VWA8: variants seen among roughly 807,000 people sequenced by gnomAD.
VWA8 encodes von Willebrand factor A domain containing 8, also known as von Willebrand factor A domain-containing protein 8.
VWA8 carries 221 observed loss-of-function variants against 241.5 expected under a neutral mutation model. The observed-to-expected ratio is 0.91, with a 90% CI of 0.82 to 1.02. The LOEUF is 1.02. VWA8 is among the 50% of genes least tolerant of loss of function. The probability of loss-of-function intolerance (pLI) is 0.00; values close to 1 mark genes in which losing one functional copy is unlikely to be tolerated. For synonymous variants in VWA8, 852 were observed against 827.1 expected (o/e 1.03, Z -0.52); for missense variants, 2,322 against 2,328.7 (o/e 1.00, Z 0.06).
chr13:41,897,178 G>C (rs751973569), intron 4 of VWA8, among the ~76,000 whole-genome samples: 45 of 151,336 alleles, frequency 3.0e-4, no homozygotes, highest in Non-Finnish European at 1.2e-4. Context: ...AGAATAAGAG[G>C]ACAAATATTG....
chr13:41,782,910 G>A (rs967739536), intron 19 of VWA8, among the ~76,000 whole-genome samples: 1 of 151,300 alleles, frequency 6.6e-6, no homozygotes, highest in African/African-American at 2.4e-5. Context: ...TGTCTTAGTG[G>A]AAGGTCCATA....
chr13:41,766,140 TA>T (rs1187612665), intron 20 of VWA8, among the ~76,000 whole-genome samples: 2 of 152,198 alleles, frequency 1.3e-5, no homozygotes, highest in Non-Finnish European at 2.9e-5. Context: ...ACCATGACTT[TA>T]AGAATTCTGA....
chr13:41,802,421 GC>G (rs1280710246), intron 17 of VWA8, among the ~76,000 whole-genome samples: 1 of 152,172 alleles, frequency 6.6e-6, no homozygotes, highest in Admixed American at 6.5e-5. Flanking sequence ...GGCTGTCTAG[GC>G]CACAGGAATA....
intron 10 of VWA8, 152 bp downstream of exon 10, chr13:41,868,194 A>G: frequency 1.2e-6 from 1 of 800,336 alleles, no homozygotes; most frequent in Non-Finnish European, 1.9e-6. Flanking sequence ...GTTTATAAGC[A>G]CACATGACTC....
chr13:41,868,263 A>C (rs2138053307), intron 10 of VWA8, 83 bp downstream of exon 10: 1 of 1,488,678 alleles, frequency 6.7e-7, no homozygotes, highest in African/African-American at 1.4e-5. Context: ...GAAGACTTAC[A>C]AGGAGATCAT....
At chr13:41,856,542 T>G (rs541482860) in intron 12 of VWA8, among the ~76,000 whole-genome samples, 39 of 152,134 alleles carry the variant, frequency 2.6e-4, no homozygotes, top group African/African-American at 7.5e-4. Context: ...TTCACAAGGC[T>G]AGGCATAGTG....
At chr13:41,729,987 C>T (rs117340193) in intron 22 of VWA8, among the ~76,000 whole-genome samples, 1,903 of 151,810 alleles carry the variant, frequency 0.013, 15 homozygotes, top group Non-Finnish European at 0.021. Flanking sequence ...CATCTCACAC[C>T]CAAGAGTAGG....
intron 32 of VWA8, among the ~76,000 whole-genome samples, chr13:41,690,776 A>G (rs935074151): frequency 6.6e-6 from 1 of 152,156 alleles, no homozygotes; most frequent in Non-Finnish European, 1.5e-5. Context: ...AAGAGTCTGC[A>G]CTTAGCTAGT....
Position 41,719,664 on chromosome 13 carries a change from T to G in VWA8, c.3043A>C (p.Ile1015Leu), listed in dbSNP as rs747365711. 2.5e-6 allele frequency: 4 copies of G among 1,613,162 alleles called. No homozygotes were observed. The South Asian group carries it at 4.4e-5, about 18-fold the overall frequency. Residue 1015 changes from isoleucine to leucine, a missense_variant, in exon 26 of 45, where the codon ATA becomes CTA. Transcript: ENST00000379310. ...TATTTGTGTAAAGTGTTAATCAATA[T>G]CTCCCTCATGTCATTGTTGTAGGAA... is the stretch of plus-strand genomic sequence containing the variant. ...FDSYNNDMREILINTLHKYGI... is the reference protein window; with the variant it reads ...FDSYNNDMRELLINTLHKYGI...
chr13:41,745,305 A>G (rs1044654935), intron 21 of VWA8, among the ~76,000 whole-genome samples: 3 of 152,034 alleles, frequency 2.0e-5, no homozygotes, highest in Non-Finnish European at 4.4e-5. Flanking sequence ...CCACCCCATG[A>G]CAGGCCCCAG....
intron 9 of VWA8, among the ~76,000 whole-genome samples, chr13:41,879,178 C>T (rs928548957): frequency 1.3e-5 from 2 of 152,000 alleles, no homozygotes; most frequent in African/African-American, 2.4e-5. Flanking sequence ...AGATAAGTTC[C>T]GGTTCTCTTT....
chr13:41,866,832 T>C (rs117639918), intron 10 of VWA8, among the ~76,000 whole-genome samples: 1 of 152,328 alleles, frequency 6.6e-6, no homozygotes, highest in East Asian at 1.9e-4. Context: ...TTCAGGTTTA[T>C]CTTAGTTTAC....
At chr13:41,730,971 C>G (rs2045478379) in intron 22 of VWA8, among the ~76,000 whole-genome samples, 2 of 150,158 alleles carry the variant, frequency 1.3e-5, no homozygotes, top group Admixed American at 1.3e-4. Flanking sequence ...TGTAAACTAA[C>G]CTGCACATTG....
Position 41,961,060 on chromosome 13 carries a change from G to C in VWA8, c.-45C>G, listed in dbSNP as rs1394359998. 1 of 1,353,520 alleles carries C rather than the reference G, an allele frequency of 7.4e-7. No homozygotes were observed. The highest frequency in any genetic ancestry group is 9.5e-7 in the Non-Finnish European group (1 of 1,057,952). The allele number at this position is 1,353,520 out of a possible 1,614,324, so 83.8% of individuals were successfully genotyped here. A position where few individuals can be genotyped will look rare whatever the true frequency, so the allele number is the denominator to read the frequency against. On this transcript the variant is annotated 5_prime_UTR_variant, in exon 1 of 45. Transcript: ENST00000379310. ...GGGACGGCGAGGGGGCTCGGGGATC[G>C]AGCGGCGTCCCGTGCAGGCACCGTG...
chr13:41,895,187 T>C (rs1161069837), intron 4 of VWA8, among the ~76,000 whole-genome samples: 1 of 152,090 alleles, frequency 6.6e-6, no homozygotes, highest in African/African-American at 2.4e-5. Flanking sequence ...CTGATACATA[T>C]CAGGCGCTTC....
chr13:41,587,715 T>C, intron 41 of VWA8, 45 bp from the exon 42 acceptor site: 3 of 1,607,502 alleles, frequency 1.9e-6, no homozygotes, highest in Non-Finnish European at 2.6e-6. Flanking sequence ...ACTGGCAAAC[T>C]TCCCCTGGTG....
chr13:41,890,641 G>C (rs1874790109), intron 5 of VWA8, among the ~76,000 whole-genome samples: 1 of 152,202 alleles, frequency 6.6e-6, no homozygotes, highest in Admixed American at 6.5e-5. Flanking sequence ...GCCAGCCATT[G>C]ATCTAGGAAC....
At chr13:41,717,540 G>A (rs2045355427) in intron 26 of VWA8, among the ~76,000 whole-genome samples, 1 of 151,888 alleles carries the variant, frequency 6.6e-6, no homozygotes, top group African/African-American at 2.4e-5. Flanking sequence ...CCATTACTTT[G>A]TTCACTTTGT....
chr13:41,675,638 A>G (rs556471422), intron 35 of VWA8, among the ~76,000 whole-genome samples: 1 of 152,144 alleles, frequency 6.6e-6, no homozygotes, highest in Non-Finnish European at 1.5e-5. Flanking sequence ...ATGCAGTAAA[A>G]TGTGGTGGAA....
Sources: gnomAD v4.1 joint callset for allele counts (sites outside exome capture counted in the v4.1 genomes callset) on GRCh38, gnomAD v4.1.1 for gene constraint, MANE v1.5 for transcripts, NCBI Gene and HGNC (gene_info 2026-07-23, HGNC 2026-07-21) for gene names.